CDYL: variants seen among roughly 807,000 people sequenced by gnomAD.
The protein encoded by CDYL is chromodomain Y-like protein.
A neutral mutation model predicts 47.3 loss-of-function variants in CDYL; 8 were observed. The ratio of observed to expected loss-of-function variants is 0.17; its 90% CI spans 0.10 to 0.31. The LOEUF (loss-of-function observed/expected upper bound fraction) is 0.31. CDYL is among the 10% of genes least tolerant of loss of function. The pLI is 1.00. For synonymous variants in CDYL, 266 were observed against 265.0 expected, an observed-to-expected ratio of 1.00 and a Z score of -0.04; for missense variants, 471 against 701.4, an observed-to-expected ratio of 0.67 and a Z score of 3.71.
chr6:4,734,428 G>A (rs895628028), intron 2 of CDYL, among the ~76,000 whole-genome samples: 9 of 152,164 alleles, frequency 5.9e-5, no homozygotes, highest in African/African-American at 1.9e-4. Flanking sequence ...CACCTTGGGC[G>A]GGTCACCAGC....
intron 2 of CDYL, among the ~76,000 whole-genome samples, chr6:4,722,649 G>A (rs1177153254): frequency 6.6e-6 from 1 of 152,190 alleles, no homozygotes; most frequent in Non-Finnish European, 1.5e-5. Context: ...GGCCATGGCA[G>A]GTAGATGGCT....
At chr6:4,806,168 G>C (rs1759364585) in intron 1 of CDYL, among the ~76,000 whole-genome samples, 1 of 152,194 alleles carries the variant, frequency 6.6e-6, no homozygotes, top group Non-Finnish European at 1.5e-5. Context: ...CCTGCATGCC[G>C]ACCCACCGGC....
chr6:4,891,379 G>T, intron 1 of CDYL, among the ~76,000 whole-genome samples: 1 of 152,160 alleles, frequency 6.6e-6, no homozygotes, highest in Non-Finnish European at 1.5e-5. Flanking sequence ...AGCTGCAGAT[G>T]CCTCGAGCTG....
chr6:4,870,475 T>C (rs578059473), intron 1 of CDYL, among the ~76,000 whole-genome samples: 193 of 152,318 alleles, frequency 1.3e-3, no homozygotes, highest in African/African-American at 4.4e-3. Context: ...GTAATATATG[T>C]CTAAGAATCT....
At chr6:4,807,026 T>C (rs200964229) in intron 1 of CDYL, among the ~76,000 whole-genome samples, 2 of 152,014 alleles carry the variant, frequency 1.3e-5, no homozygotes, top group Admixed American at 6.5e-5. Flanking sequence ...CCTCACACGC[T>C]CTTTCCTCTG....
At chr6:4,719,261 C>A (rs1757326843) in intron 2 of CDYL, among the ~76,000 whole-genome samples, 1 of 152,164 alleles carries the variant, frequency 6.6e-6, no homozygotes, top group Non-Finnish European at 1.5e-5. Context: ...TGATAATAAA[C>A]ATCTTCATAT....
chr6:4,709,415 C>A (rs1388550405), intron 1 of CDYL, among the ~76,000 whole-genome samples: 1 of 152,196 alleles, frequency 6.6e-6, no homozygotes, highest in East Asian at 1.9e-4. Context: ...TCAAGCTGGT[C>A]TTGAACTTCT....
intron 1 of CDYL, among the ~76,000 whole-genome samples, chr6:4,819,484 G>C (rs540665022): frequency 1.3e-5 from 2 of 152,156 alleles, no homozygotes; most frequent in South Asian, 2.1e-4. Context: ...CTGGTCTGTT[G>C]ACAACCTTCA....
chr6:4,711,098 T>C (rs1031666410), intron 1 of CDYL, among the ~76,000 whole-genome samples: 1 of 152,140 alleles, frequency 6.6e-6, no homozygotes, highest in South Asian at 2.1e-4. Context: ...TCCAACACAA[T>C]GGACTTATCC....
At chr6:4,852,219 C>A (rs865802962) in intron 1 of CDYL, among the ~76,000 whole-genome samples, 2 of 152,154 alleles carry the variant, frequency 1.3e-5, no homozygotes, top group East Asian at 1.9e-4. Context: ...CTAGTCCTGT[C>A]GTTCCTTCTG....
At chr6:4,787,936 T>C (rs980561519) in intron 1 of CDYL, among the ~76,000 whole-genome samples, 5 of 151,800 alleles carry the variant, frequency 3.3e-5, no homozygotes, top group African/African-American at 1.2e-4. Flanking sequence ...CACGCCTGGC[T>C]AATTTTTGTA....
At chr6:4,877,023 T>C (rs1761638703) in intron 1 of CDYL, among the ~76,000 whole-genome samples, 1 of 152,226 alleles carries the variant, frequency 6.6e-6, no homozygotes, top group Admixed American at 6.5e-5. Context: ...GCACATAAAA[T>C]GTGCCATCTG....
intron 2 of CDYL, among the ~76,000 whole-genome samples, chr6:4,726,805 G>C (rs572672017): frequency 6.6e-6 from 1 of 152,194 alleles, no homozygotes; most frequent in East Asian, 1.9e-4. Flanking sequence ...GGCAGCTAAT[G>C]TCTCATGAAA....
At chr6:4,724,808 T>A (rs1330731675) in intron 2 of CDYL, 2 of 152,162 alleles carry the variant, frequency 1.3e-5, no homozygotes, top group African/African-American at 4.8e-5. Context: ...ACTCAAAGAA[T>A]TAGCAGCAAC....
intron 1 of CDYL, among the ~76,000 whole-genome samples, chr6:4,879,950 C>T (rs1033809505): frequency 2.0e-5 from 3 of 152,130 alleles, no homozygotes; most frequent in South Asian, 2.1e-4. Context: ...TATACCCTCT[C>T]GCACGCCCCT....
At chr6:4,921,110 A>G (rs1485107540) in intron 2 of CDYL, among the ~76,000 whole-genome samples, 2 of 152,154 alleles carry the variant, frequency 1.3e-5, no homozygotes, top group Non-Finnish European at 2.9e-5. Flanking sequence ...GCATGGCAAG[A>G]AGGGAAGGTC....
intron 1 of CDYL, among the ~76,000 whole-genome samples, chr6:4,808,566 A>G (rs529299494): frequency 6.6e-6 from 1 of 152,364 alleles, no homozygotes; most frequent in South Asian, 2.1e-4. Flanking sequence ...CATGGGTTCA[A>G]TCTGGCCCGC....
At chr6:4,932,262 G>A (rs1758053425) in intron 2 of CDYL, among the ~76,000 whole-genome samples, 1 of 152,218 alleles carries the variant, frequency 6.6e-6, no homozygotes, top group South Asian at 2.1e-4. Context: ...AGAACCCTAA[G>A]ATCAGGGTGC....
At chr6:4,881,588 T>C (rs1039938705) in intron 1 of CDYL, among the ~76,000 whole-genome samples, 2 of 152,344 alleles carry the variant, frequency 1.3e-5, no homozygotes, top group Non-Finnish European at 2.9e-5. Context: ...AACAGTATAA[T>C]TCAATTGAGT....
Sources: gnomAD v4.1 joint callset for allele counts (sites outside exome capture counted in the v4.1 genomes callset) on GRCh38, gnomAD v4.1.1 for gene constraint, MANE v1.5 for transcripts, NCBI Gene and HGNC (gene_info 2026-07-23, HGNC 2026-07-21) for gene names.